The following PHTF2 variants were observed in gnomAD, a reference collection of about 807,000 sequenced individuals.
The protein encoded by PHTF2 is putative homeodomain transcription factor 2.
A neutral mutation model predicts 101.2 loss-of-function variants in PHTF2; 60 were observed. The observed-to-expected ratio is 0.59, with a 90% CI of 0.48 to 0.73. The LOEUF is 0.73. PHTF2 is among the 30% of genes least tolerant of loss of function. PHTF2 has a pLI of 0.00. For synonymous variants in PHTF2, 311 were observed against 307.3 expected (o/e 1.01, Z -0.13); for missense variants, 747 against 908.7 (o/e 0.82, Z 2.29).
chr7:77,937,500 TA>T (rs1805246830), intron 12 of PHTF2, among the ~76,000 whole-genome samples: 3 of 152,188 alleles, frequency 2.0e-5, no homozygotes, highest in Non-Finnish European at 1.5e-5. Flanking sequence ...GATAGAATTT[TA>T]GTGTCTTAGA....
chr7:77,808,658 C>T (rs1793176185), intron 1 of PHTF2, among the ~76,000 whole-genome samples: 1 of 152,206 alleles, frequency 6.6e-6, no homozygotes. Flanking sequence ...TCTCTTTGTG[C>T]AGCTCTCTCC....
intron 3 of PHTF2, among the ~76,000 whole-genome samples, chr7:77,892,226 G>A (rs950774868): frequency 2.0e-5 from 3 of 152,184 alleles, no homozygotes; most frequent in African/African-American, 4.8e-5. Flanking sequence ...GGAGGCGGAG[G>A]TTGCAGTGAG....
Position 77,808,013 on chromosome 7 carries a change from G to A in PHTF2, c.-36+9042G>A, listed in dbSNP as rs139585059. ...AGATTATTTGACCACATATATGAGG[G>A]TTTATTTCTAGGGTCTTTATTACAT... On this transcript the variant is annotated intron_variant, in intron 1 of 19. Transcript: ENST00000416283. Among the ~76,000 whole-genome samples, 329 of 152,184 alleles carry A rather than the reference G, an allele frequency of 2.2e-3. 4 individuals are homozygous for A. Among genetic ancestry groups the A allele is most frequent in the African/African-American group, 7.2e-3 (300 of 41,530 alleles).
chr7:77,926,991 C>CT (rs1804064675), intron 11 of PHTF2, among the ~76,000 whole-genome samples: 1 of 151,504 alleles, frequency 6.6e-6, no homozygotes, highest in Non-Finnish European at 1.5e-5. Context: ...AACCCCATCT[C>CT]TACTGAAAAT....
intron 2 of PHTF2, among the ~76,000 whole-genome samples, chr7:77,851,451 A>G (rs183482804): frequency 6.6e-6 from 1 of 152,038 alleles, no homozygotes; most frequent in African/African-American, 2.4e-5. Flanking sequence ...CCATTATAAT[A>G]TGTCCGTTTT....
At chr7:77,916,625 C>A (rs1431620317) in intron 9 of PHTF2, among the ~76,000 whole-genome samples, 1 of 151,972 alleles carries the variant, frequency 6.6e-6, no homozygotes, top group Non-Finnish European at 1.5e-5. Context: ...TGGGATACCT[C>A]CACCCACCAC....
chr7:77,850,641 CA>C lies in PHTF2; in HGVS notation c.46-4073del, dbSNP rs545263519. On this transcript the variant is annotated intron_variant, in intron 2 of 19. Transcript: ENST00000416283. Reference sequence around the variant, plus strand: ...TAGTTCACAGAGTGAGACCCTGTCTCAAAAAAAAAAAAAAAAAAAGAAAAGT... The same window carrying C: ...TAGTTCACAGAGTGAGACCCTGTCTCAAAAAAAAAAAAAAAAAAGAAAAGT... 2.5e-3 allele frequency among the ~76,000 whole-genome samples: 130 copies of C among 52,782 alleles called. 1 individual carries two copies. The highest frequency in any genetic ancestry group is 4.7e-3 in the East Asian group (8 of 1,700). The allele number at this position is 52,782 out of a possible 152,430, so 34.6% of individuals were successfully genotyped here. A position where few individuals can be genotyped will look rare whatever the true frequency, so the allele number is the denominator to read the frequency against.
At chr7:77,862,384 A>G (rs1446430602) in intron 3 of PHTF2, among the ~76,000 whole-genome samples, 1 of 152,172 alleles carries the variant, frequency 6.6e-6, no homozygotes, top group Non-Finnish European at 1.5e-5. Context: ...TTGGTACATC[A>G]AGACTAGGAA....
chr7:77,879,915 A>G (rs1330478274), intron 3 of PHTF2, among the ~76,000 whole-genome samples: 1 of 152,132 alleles, frequency 6.6e-6, no homozygotes, highest in East Asian at 1.9e-4. Context: ...CTAACACTTG[A>G]TTGTTAGTTG....
At position 77,867,808 on chromosome 7, in the gene PHTF2, G is replaced by A. The variant is rs151195873; in HGVS notation, c.147+12974G>A. Among the ~76,000 whole-genome samples, 1,507 of 152,280 alleles carry A rather than the reference G, an allele frequency of 9.9e-3. 11 individuals carry two copies. The highest frequency in any genetic ancestry group is 0.037 in the Middle Eastern group (11 of 294). On this transcript the variant is annotated intron_variant, in intron 3 of 19. Coordinates refer to ENST00000416283, the Ensembl canonical transcript of PHTF2. ...ATTGGGTGATAGACAGTGTAATAAA[G>A]TAAATACTTAATCTACAGCTTGATG...
chr7:77,922,816 A>G (rs1228204485), intron 11 of PHTF2, 38 bp downstream of exon 10: 9 of 1,343,490 alleles, frequency 6.7e-6, no homozygotes, highest in Non-Finnish European at 9.2e-6. Flanking sequence ...ATACGTATCT[A>G]TTTTATATGT....
At position 77,951,791 on chromosome 7, in the gene PHTF2, A is replaced by G; in HGVS notation, c.2211+79A>G. The G allele has an allele frequency of 6.3e-6, 4 of 639,652 alleles. No individual in the cohort carries two copies. The Admixed American group carries it at 1.1e-4, about 18-fold the overall frequency. 39.6% of individuals were successfully genotyped at this position (639,652 alleles called of 1,614,324 possible). ...TTTTATTTTTTTGTTTATAGATATTACTTTGTATGTGGTTTTCATGATTAT... is the reference window on the plus strand; with the variant it reads ...TTTTATTTTTTTGTTTATAGATATTGCTTTGTATGTGGTTTTCATGATTAT... On this transcript the variant is annotated intron_variant, in intron 18 of 19. Coordinates refer to ENST00000416283, the Ensembl canonical transcript of PHTF2.
chr7:77,893,635 GA>G lies in PHTF2; in HGVS notation c.180del (p.Lys60AsnfsTer15). 4 of 1,439,504 alleles carry G rather than the reference GA, an allele frequency of 2.8e-6. No individual in the cohort carries two copies. The highest frequency in any genetic ancestry group is 2.9e-6 in the Non-Finnish European group (3 of 1,034,406). 89.2% of individuals were successfully genotyped at this position (1,439,504 alleles called of 1,614,324 possible). A position where few individuals can be genotyped will look rare whatever the true frequency, so the allele number is the denominator to read the frequency against. On this transcript the variant is annotated frameshift_variant, in exon 4 of 20. Coordinates refer to ENST00000416283, the Ensembl canonical transcript of PHTF2. LOFTEE classifies it high-confidence loss of function. Reference sequence around the variant, plus strand: ...TGGAGCATATGATCAACAAATATGGGAAAAATCTGTTGAACAGAGAGAAATC... The same window carrying G: ...TGGAGCATATGATCAACAAATATGGGAAAATCTGTTGAACAGAGAGAAATC...
chr7:77,818,415 ATT>A (rs1554350030), intron 1 of PHTF2, among the ~76,000 whole-genome samples: 4 of 152,028 alleles, frequency 2.6e-5, no homozygotes. Flanking sequence ...TCTTTGATTC[ATT>A]TTGGGGTTGA....
intron 3 of PHTF2, among the ~76,000 whole-genome samples, chr7:77,889,734 G>A (rs1281055970): frequency 6.6e-6 from 1 of 151,862 alleles, no homozygotes; most frequent in Non-Finnish European, 1.5e-5. Flanking sequence ...GGGACTACAG[G>A]TCTGCACGAC....
At chr7:77,936,472 C>T (rs1048187225) in intron 12 of PHTF2, among the ~76,000 whole-genome samples, 2 of 151,756 alleles carry the variant, frequency 1.3e-5, no homozygotes, top group Non-Finnish European at 2.9e-5. Context: ...TTCAGGAGTT[C>T]GAGACCAACC....
chr7:77,822,156 T>C (rs890302755), intron 1 of PHTF2, among the ~76,000 whole-genome samples: 40 of 152,212 alleles, frequency 2.6e-4, no homozygotes, highest in African/African-American at 9.6e-4. Context: ...AGTGCCAGAC[T>C]GTTCCTCTGA....
Position 77,893,152 on chromosome 7 carries a change from A to T in PHTF2, c.148-456A>T, listed in dbSNP as rs116399903. Among the ~76,000 whole-genome samples the T allele has an allele frequency of 4.7e-3, 720 of 152,294 alleles. 9 individuals are homozygous for T. Among genetic ancestry groups the T allele is most frequent in the African/African-American group, 0.016 (676 of 41,574 alleles). ...ACATGTCCAGGTTTGTTATATAGGT[A>T]AACTCATGACTTGGGGGTTTGGTGT... is the stretch of plus-strand genomic sequence containing the variant. On this transcript the variant is annotated intron_variant, in intron 3 of 19. Transcript: ENST00000416283.
At chr7:77,935,120 T>TC (rs201606651) in intron 12 of PHTF2, among the ~76,000 whole-genome samples, 2,816 of 67,320 alleles carry the variant, frequency 0.042, 175 homozygotes, top group African/African-American at 0.13. Flanking sequence ...CAGTGTACAT[T>TC]CCCCCCCCCC....
Sources: allele counts gnomAD v4.1 joint callset (sites outside exome capture counted in the v4.1 genomes callset), GRCh38; gene constraint gnomAD v4.1.1; transcripts MANE v1.5; gene names NCBI Gene and HGNC (gene_info 2026-07-23, HGNC 2026-07-21).